The following PANK1 variants were observed in gnomAD, a reference collection of about 807,000 sequenced individuals.
PANK1 encodes the protein pantothenate kinase 1, also known as pantothenic acid kinase 1.
Under a neutral mutation model 40.1 loss-of-function variants are expected in PANK1, and 18 were observed. The ratio of observed to expected loss-of-function variants is 0.45; its 90% CI spans 0.31 to 0.67. PANK1 has a LOEUF of 0.67. PANK1 is among the 30% of genes least tolerant of loss of function. PANK1 has a pLI of 0.06. For synonymous variants in PANK1, 242 were observed against 237.7 expected, an observed-to-expected ratio of 1.02 and a Z score of -0.17; for missense variants, 457 against 599.6, an observed-to-expected ratio of 0.76 and a Z score of 2.48.
chr10:89,644,034 C>T (rs981502776), intron 1 of PANK1: 2 of 339,020 alleles, frequency 5.9e-6, no homozygotes, highest in Non-Finnish European at 1.0e-5. Context: ...AAAAAACCCT[C>T]TCATTGGCCG....
chr10:89,615,514 T>C (rs1006729348), intron 1 of PANK1, among the ~76,000 whole-genome samples: 2 of 152,206 alleles, frequency 1.3e-5, no homozygotes, highest in Admixed American at 6.5e-5. Context: ...GGAAAAAGTA[T>C]AGAGTTTTGA....
intron 1 of PANK1, among the ~76,000 whole-genome samples, chr10:89,623,308 G>T (rs917343767): frequency 6.6e-6 from 1 of 152,070 alleles, no homozygotes; most frequent in Non-Finnish European, 1.5e-5. Flanking sequence ...TGCAAGCTCC[G>T]CCTCCTGGGT....
chr10:89,644,116 C>T (rs1842041650), intron 1 of PANK1, among the ~76,000 whole-genome samples: 3 of 152,154 alleles, frequency 2.0e-5, no homozygotes, highest in Non-Finnish European at 1.5e-5. Flanking sequence ...CTTGCGCTCT[C>T]CAATAGACCC....
At chr10:89,622,244 C>A (rs1327103213) in intron 1 of PANK1, among the ~76,000 whole-genome samples, 1 of 152,180 alleles carries the variant, frequency 6.6e-6, no homozygotes, top group African/African-American at 2.4e-5. Flanking sequence ...ATAATTATCA[C>A]ACACAGAGCA....
chr10:89,616,719 G>A (rs975445095), intron 1 of PANK1, among the ~76,000 whole-genome samples: 5 of 152,080 alleles, frequency 3.3e-5, no homozygotes, highest in South Asian at 4.1e-4. Context: ...TCAGGAGTTC[G>A]AGACCAGCCT....
intron 1 of PANK1, among the ~76,000 whole-genome samples, chr10:89,612,759 T>A (rs1206381910): frequency 6.6e-6 from 1 of 152,246 alleles, no homozygotes; most frequent in Admixed American, 6.5e-5. Flanking sequence ...AATAGCCTGC[T>A]CAGAAGTTCT....
intron 1 of PANK1, among the ~76,000 whole-genome samples, chr10:89,630,400 T>A (rs1841600631): frequency 6.6e-6 from 1 of 152,192 alleles, no homozygotes; most frequent in Non-Finnish European, 1.5e-5. Context: ...CATAACCCAA[T>A]GAAGTTGGCA....
At chr10:89,624,158 A>G (rs1287062941) in intron 1 of PANK1, among the ~76,000 whole-genome samples, 3 of 152,232 alleles carry the variant, frequency 2.0e-5, no homozygotes, top group Non-Finnish European at 4.4e-5. Flanking sequence ...TGAGGCATGT[A>G]GAAGTATTAT....
intron 1 of PANK1, among the ~76,000 whole-genome samples, chr10:89,637,229 T>G (rs1045867833): frequency 1.2e-4 from 18 of 151,928 alleles, no homozygotes; most frequent in Non-Finnish European, 2.1e-4. Flanking sequence ...AGCAGAGACT[T>G]CAGGCAGCCC....
chr10:89,641,721 G>A (rs1841973279), intron 1 of PANK1, among the ~76,000 whole-genome samples: 1 of 149,986 alleles, frequency 6.7e-6, no homozygotes, highest in Admixed American at 6.6e-5. Context: ...GACAGAGCGA[G>A]AATCCGTCTC....
chr10:89,641,057 G>A (rs960752358), intron 1 of PANK1, among the ~76,000 whole-genome samples: 1 of 152,054 alleles, frequency 6.6e-6, no homozygotes, highest in African/African-American at 2.4e-5. Flanking sequence ...GACAAACTTG[G>A]GAATTTGACC....
downstream of PANK1, chr10:89,579,910 T>C (rs1844022977): frequency 1.3e-5 from 2 of 152,238 alleles, no homozygotes; most frequent in African/African-American, 4.8e-5. Context: ...CTCAGATCAT[T>C]GATATTTATT....
At chr10:89,595,829 AAAAAATATATAT>A in intron 3 of PANK1, among the ~76,000 whole-genome samples, 1 of 66,676 alleles carries the variant, frequency 1.5e-5, no homozygotes, top group East Asian at 4.8e-4. Flanking sequence ...AAAAAAAAAA[AAAAAATATATAT>A]ATATATATAT....
intron 1 of PANK1, among the ~76,000 whole-genome samples, chr10:89,629,700 A>G (rs1410109536): frequency 1.3e-5 from 2 of 152,218 alleles, no homozygotes. Flanking sequence ...CTTACGGATG[A>G]TAGCTGCAGC....
chr10:89,587,466 T>C (rs985563638), intron 6 of PANK1, among the ~76,000 whole-genome samples: 1 of 152,268 alleles, frequency 6.6e-6, no homozygotes, highest in African/African-American at 2.4e-5. Flanking sequence ...AAATAATTGC[T>C]GTCTACTTAG....
intron 3 of PANK1, among the ~76,000 whole-genome samples, chr10:89,598,662 G>T (rs1043460314): frequency 5.3e-5 from 8 of 152,256 alleles, no homozygotes; most frequent in African/African-American, 1.9e-4. Context: ...ATGGGCCTTG[G>T]GGTGTGTGCA....
At chr10:89,613,643 C>A (rs1293031064) in intron 1 of PANK1, among the ~76,000 whole-genome samples, 6 of 152,302 alleles carry the variant, frequency 3.9e-5, no homozygotes, top group Admixed American at 3.9e-4. Context: ...ACCAAGTTAA[C>A]AAATGTCTTG....
At chr10:89,622,684 A>G (rs1055199836) in intron 1 of PANK1, among the ~76,000 whole-genome samples, 24 of 152,118 alleles carry the variant, frequency 1.6e-4, no homozygotes, top group East Asian at 1.9e-4. Context: ...AAATACAAAA[A>G]ACATTTGCCG....
rs747252138 is a variant in PANK1, at chr10:89,593,902, G to C, written c.987C>G (p.Gly329=). The change falls in exon 4 of 7, where the codon GGC becomes GGG. Residue 329 remains glycine, a synonymous_variant. Coordinates refer to ENST00000307534, the MANE Select transcript of PANK1 (RefSeq NM_148977.3). ...CCAGTTTATCAACATTGGTGCTGTC[G>C]CCTTTAGCTGCCATTTCCAGAGCTT... ...FEEALEMAAK[G]DSTNVDKLVK... is the part of the protein sequence containing the mutation. The C allele has an allele frequency of 6.2e-7, 1 of 1,613,060 alleles. No homozygotes were observed.
Sources: allele counts gnomAD v4.1 joint callset (sites outside exome capture counted in the v4.1 genomes callset), GRCh38; gene constraint gnomAD v4.1.1; transcripts MANE v1.5; gene names NCBI Gene and HGNC (gene_info 2026-07-23, HGNC 2026-07-21).